ABLIM1: variants seen among roughly 807,000 people sequenced by gnomAD.
ABLIM1 encodes actin-binding LIM protein 1.
ABLIM1 carries 40 observed loss-of-function variants against 107.0 expected under a neutral mutation model. The ratio of observed to expected loss-of-function variants is 0.37; its 90% confidence interval spans 0.29 to 0.49. ABLIM1 has a LOEUF of 0.49. Ranked by LOEUF, ABLIM1 falls within the 20% of genes least tolerant of loss-of-function variation. The probability of loss-of-function intolerance (pLI) is 0.97; values close to 1 mark genes in which losing one functional copy is unlikely to be tolerated. For missense variants in ABLIM1, 857 were observed against 1,008.5 expected (o/e 0.85, Z 2.04); for synonymous variants, 357 against 357.3 (o/e 1.00, Z 0.01).
At chr10:114,612,487 G>A (rs1057378181) in intron 1 of ABLIM1, among the ~76,000 whole-genome samples, 3 of 152,148 alleles carry the variant, frequency 2.0e-5, no homozygotes, top group African/African-American at 7.2e-5. Flanking sequence ...CTAAGACAGA[G>A]CCCCCACAGC....
At chr10:114,523,996 A>G (rs1054418239) in intron 6 of ABLIM1, among the ~76,000 whole-genome samples, 6 of 152,192 alleles carry the variant, frequency 3.9e-5, no homozygotes, top group African/African-American at 7.2e-5. Flanking sequence ...CCAGGTGGAG[A>G]GAAATGCAAG....
At chr10:114,741,915 A>G (rs2082296496) in intron 1 of ABLIM1, among the ~76,000 whole-genome samples, 1 of 152,248 alleles carries the variant, frequency 6.6e-6, no homozygotes, top group Non-Finnish European at 1.5e-5. Flanking sequence ...ATATTCACTC[A>G]TTGGAATGTT....
chr10:114,708,700 C>A (rs1454099802), intron 1 of ABLIM1, among the ~76,000 whole-genome samples: 1 of 152,152 alleles, frequency 6.6e-6, no homozygotes, highest in Non-Finnish European at 1.5e-5. Context: ...GAGAAAATAA[C>A]CAACTGACTA....
the ABLIM1 span, among the ~76,000 whole-genome samples, chr10:114,799,077 C>A: frequency 1.3e-5 from 2 of 152,172 alleles, no homozygotes; most frequent in Non-Finnish European, 2.9e-5. Context: ...GGATTACACG[C>A]ATGAGCCACT....
At chr10:114,634,918 AG>A (rs2078403600) in intron 1 of ABLIM1, among the ~76,000 whole-genome samples, 4 of 152,258 alleles carry the variant, frequency 2.6e-5, no homozygotes, top group Admixed American at 2.6e-4. Context: ...TCTTTGCCTC[AG>A]GGCAGAATTG....
intron 4 of ABLIM1, among the ~76,000 whole-genome samples, chr10:114,568,007 G>A (rs2071020601): frequency 6.6e-6 from 1 of 151,586 alleles, no homozygotes; most frequent in Admixed American, 6.6e-5. Flanking sequence ...TGGCTAACAA[G>A]GTGAAACCCC....
intron 1 of ABLIM1, among the ~76,000 whole-genome samples, chr10:114,703,748 A>G (rs1350354858): frequency 6.6e-6 from 1 of 152,210 alleles, no homozygotes; most frequent in Non-Finnish European, 1.5e-5. Context: ...TACTGTGAGA[A>G]TAAGATATTC....
At chr10:114,497,610 A>G (rs1321216889) in intron 6 of ABLIM1, among the ~76,000 whole-genome samples, 1 of 135,806 alleles carries the variant, frequency 7.4e-6, no homozygotes, top group Admixed American at 8.5e-5. Context: ...CGAACCCGGG[A>G]GGCGGAGCTT....
At chr10:114,786,783 T>G in the ABLIM1 span, among the ~76,000 whole-genome samples, 5 of 152,210 alleles carry the variant, frequency 3.3e-5, no homozygotes, top group Admixed American at 6.5e-5. Flanking sequence ...AGATGGAGTC[T>G]CCTTCACTCA....
chr10:114,502,672 T>A (rs956655843), intron 6 of ABLIM1, among the ~76,000 whole-genome samples: 1 of 152,144 alleles, frequency 6.6e-6, no homozygotes, highest in African/African-American at 2.4e-5. Flanking sequence ...AATTTTTGTA[T>A]TTTTAGTAGA....
intron 4 of ABLIM1, 37 bp downstream of exon 4, chr10:114,571,260 A>G (rs1177042245): frequency 1.1e-5 from 18 of 1,588,020 alleles, no homozygotes; most frequent in Non-Finnish European, 1.6e-5. Flanking sequence ...TCTGGACTAC[A>G]TAGGTATTCA....
chr10:114,725,414 T>C (rs1424326497), intron 1 of ABLIM1, among the ~76,000 whole-genome samples: 1 of 152,180 alleles, frequency 6.6e-6, no homozygotes, highest in East Asian at 1.9e-4. Context: ...AATAAATTCA[T>C]ATTTATGAAC....
chr10:114,568,032 T>C (rs2138633491), intron 4 of ABLIM1, among the ~76,000 whole-genome samples: 1 of 149,614 alleles, frequency 6.7e-6, no homozygotes, highest in African/African-American at 2.5e-5. Flanking sequence ...CTACTAAAAA[T>C]ACAAAAAATT....
chr10:114,684,106 A>G (rs2080863266), intron 1 of ABLIM1, among the ~76,000 whole-genome samples: 1 of 152,230 alleles, frequency 6.6e-6, no homozygotes, highest in Admixed American at 6.5e-5. Context: ...GTTGACAAAT[A>G]AGATGTGCAT....
At chr10:114,625,825 T>G (rs750234538) in intron 1 of ABLIM1, among the ~76,000 whole-genome samples, 1 of 152,178 alleles carries the variant, frequency 6.6e-6, no homozygotes, top group African/African-American at 2.4e-5. Context: ...GCTAGCTAAG[T>G]GATCTCTGAC....
At chr10:114,509,815 T>C (rs1389695992) in intron 6 of ABLIM1, among the ~76,000 whole-genome samples, 2 of 152,076 alleles carry the variant, frequency 1.3e-5, no homozygotes, top group African/African-American at 4.8e-5. Context: ...AATAAAGACA[T>C]AGCTGAGACT....
intron 1 of ABLIM1, among the ~76,000 whole-genome samples, chr10:114,676,072 TC>T (rs2080468795): frequency 6.6e-6 from 1 of 152,182 alleles, no homozygotes; most frequent in African/African-American, 2.4e-5. Context: ...GACTTCAGCG[TC>T]CTTTGTGAGG....
At chr10:114,747,293 G>A (rs896157255) in intron 1 of ABLIM1, among the ~76,000 whole-genome samples, 1 of 152,206 alleles carries the variant, frequency 6.6e-6, no homozygotes. Context: ...TGAGATTGAG[G>A]AATCTGGAGG....
intron 1 of ABLIM1, among the ~76,000 whole-genome samples, chr10:114,635,271 A>C (rs150419337): frequency 0.012 from 1,860 of 152,352 alleles, 14 homozygotes; most frequent in Non-Finnish European, 0.017. Flanking sequence ...TGGAGAGAAA[A>C]GCTTATTAGC....
Sources: allele counts gnomAD v4.1 joint callset (sites outside exome capture counted in the v4.1 genomes callset), GRCh38; gene constraint gnomAD v4.1.1; transcripts MANE v1.5; gene names NCBI Gene and HGNC (gene_info 2026-07-23, HGNC 2026-07-21).